Variants in SSBP3 observed in about 807,000 individuals in gnomAD.
SSBP3 encodes the protein single-stranded DNA-binding protein 3.
SSBP3 carries 5 observed loss-of-function variants against 69.6 expected under a neutral mutation model. The ratio of observed to expected loss-of-function variants is 0.07; its 90% CI spans 0.04 to 0.15. The LOEUF (loss-of-function observed/expected upper bound fraction) is 0.15. Ranked by LOEUF, SSBP3 falls within the 10% of genes least tolerant of loss-of-function variation. The pLI is 1.00. For missense variants in SSBP3, 312 were observed against 534.0 expected (o/e 0.58, Z 4.10); for synonymous variants, 196 against 193.4 (o/e 1.01, Z -0.11).
At chr1:54,377,101 G>A (rs1208912972) in intron 4 of SSBP3, among the ~76,000 whole-genome samples, 2 of 152,236 alleles carry the variant, frequency 1.3e-5, no homozygotes, top group Non-Finnish European at 2.9e-5. Flanking sequence ...CTCCGGAAAT[G>A]CCAGAGGGCT....
At chr1:54,374,345 T>A (rs545421582) in intron 4 of SSBP3, among the ~76,000 whole-genome samples, 11 of 152,322 alleles carry the variant, frequency 7.2e-5, no homozygotes, top group Middle Eastern at 3.4e-3. Flanking sequence ...GGAAGACGAC[T>A]CTGAGCAAAC....
intron 14 of SSBP3, among the ~76,000 whole-genome samples, chr1:54,230,316 G>A (rs1644359860): frequency 6.6e-6 from 1 of 152,212 alleles, no homozygotes; most frequent in Admixed American, 6.5e-5. Flanking sequence ...ATAGGAGGAT[G>A]AAAGTAACCA....
In SSBP3 at chr1:54,281,435, T is replaced by C. The variant is rs1645390273; in HGVS notation, c.366+3A>G. ...GCACAAGACCCACGGGCCCCGCACG[T>C]ACCTGAAAGAAACCTGGCGGGATGG... On this transcript the variant is annotated splice_donor_region_variant and intron_variant, in intron 5 of 17. Transcript: ENST00000610401. 1 of 1,559,162 alleles carries C rather than the reference T, an allele frequency of 6.4e-7. No homozygotes were observed. The highest frequency in any genetic ancestry group is 1.4e-5 in the African/African-American group (1 of 73,330).
intron 4 of SSBP3, among the ~76,000 whole-genome samples, chr1:54,322,735 C>T (rs1454365811): frequency 2.6e-5 from 4 of 152,114 alleles, no homozygotes; most frequent in African/African-American, 9.7e-5. Context: ...CCCCCAACCC[C>T]GGCACCTCAA....
intron 4 of SSBP3, among the ~76,000 whole-genome samples, chr1:54,331,904 C>T (rs946984524): frequency 2.6e-5 from 4 of 152,238 alleles, no homozygotes; most frequent in African/African-American, 9.6e-5. Context: ...TCCCACCAGT[C>T]CATGTCATCT....
chr1:54,288,834 C>CG (rs1184039152), intron 4 of SSBP3, among the ~76,000 whole-genome samples: 14 of 151,868 alleles, frequency 9.2e-5, no homozygotes, highest in African/African-American at 3.4e-4. Context: ...CTGGCTAACA[C>CG]GTGAAACCAA....
At chr1:54,404,712 C>T in intron 2 of SSBP3, 75 bp from the exon 3 acceptor site, 2 of 1,540,036 alleles carry the variant, frequency 1.3e-6, no homozygotes, top group East Asian at 2.3e-5. Flanking sequence ...AGCCAAAAGG[C>T]TAGGAAGACC....
chr1:54,246,749 T>C (rs1409015192), intron 9 of SSBP3, among the ~76,000 whole-genome samples: 2 of 152,168 alleles, frequency 1.3e-5, no homozygotes, highest in African/African-American at 2.4e-5. Flanking sequence ...AGATGACAAC[T>C]TGAAGGCCCA....
At chr1:54,292,026 T>C (rs1267456954) in intron 4 of SSBP3, among the ~76,000 whole-genome samples, 1 of 152,092 alleles carries the variant, frequency 6.6e-6, no homozygotes, top group African/African-American at 2.4e-5. Context: ...ACCCACTAGG[T>C]GGGTGCTGAG....
At chr1:54,288,699 C>T (rs1273602698) in intron 4 of SSBP3, among the ~76,000 whole-genome samples, 1 of 152,106 alleles carries the variant, frequency 6.6e-6, no homozygotes, top group Non-Finnish European at 1.5e-5. Context: ...GGTCAGGCAG[C>T]TAAGTGGCTC....
intron 4 of SSBP3, among the ~76,000 whole-genome samples, chr1:54,291,073 G>A (rs1442706159): frequency 1.3e-5 from 2 of 152,180 alleles, no homozygotes; most frequent in East Asian, 1.9e-4. Context: ...GCGTGGACCC[G>A]CGCACACGCT....
intron 9 of SSBP3, among the ~76,000 whole-genome samples, chr1:54,251,317 C>A (rs1377154262): frequency 1.3e-5 from 2 of 152,188 alleles, no homozygotes; most frequent in Admixed American, 1.3e-4. Context: ...CTTCAGACCC[C>A]ATGATAGGCT....
At chr1:54,251,110 G>A (rs1644821253) in intron 9 of SSBP3, among the ~76,000 whole-genome samples, 1 of 152,204 alleles carries the variant, frequency 6.6e-6, no homozygotes, top group Non-Finnish European at 1.5e-5. Context: ...TTAACAGGTG[G>A]GGAAACTGAG....
chr1:54,351,352 T>G (rs1329083014), intron 4 of SSBP3, among the ~76,000 whole-genome samples: 3 of 152,196 alleles, frequency 2.0e-5, no homozygotes, highest in Non-Finnish European at 4.4e-5. Context: ...ATGGCAGCAA[T>G]TATACCCCAT....
intron 5 of SSBP3, 117 bp downstream of exon 5, chr1:54,281,321 A>C: frequency 1.3e-6 from 1 of 751,810 alleles, no homozygotes; most frequent in African/African-American, 1.8e-5. Context: ...AGCATAAAGC[A>C]ACTGTATTTA....
At chr1:54,410,644 A>G (rs146445551), upstream of SSBP3, among the ~76,000 whole-genome samples, 82 of 152,302 alleles carry the variant, frequency 5.4e-4, no homozygotes, top group Middle Eastern at 6.8e-3. Context: ...GGGCCTCCAC[A>G]GGGGGAATAC....
chr1:54,306,898 C>T (rs535200675), intron 4 of SSBP3, among the ~76,000 whole-genome samples: 2 of 152,188 alleles, frequency 1.3e-5, no homozygotes, highest in East Asian at 1.9e-4. Flanking sequence ...AGGTGGCATG[C>T]GCCTAACACG....
chr1:54,395,490 C>T (rs906569044), intron 4 of SSBP3, among the ~76,000 whole-genome samples: 14 of 152,336 alleles, frequency 9.2e-5, no homozygotes, highest in East Asian at 3.9e-4. Flanking sequence ...ATCTCAGAGA[C>T]GCCATTTATC....
intron 4 of SSBP3, among the ~76,000 whole-genome samples, chr1:54,322,292 C>T (rs907491425): frequency 2.0e-5 from 3 of 152,204 alleles, no homozygotes; most frequent in Non-Finnish European, 2.9e-5. Flanking sequence ...AGATTCATCG[C>T]AGCACTGCTG....
Sources: allele counts gnomAD v4.1 joint callset (sites outside exome capture counted in the v4.1 genomes callset), GRCh38; gene constraint gnomAD v4.1.1; transcripts MANE v1.5; gene names NCBI Gene and HGNC (gene_info 2026-07-23, HGNC 2026-07-21).